ENOSF1: variants seen among roughly 807,000 people sequenced by gnomAD.
ENOSF1 encodes the protein enolase superfamily member 1.
A neutral mutation model predicts 68.2 loss-of-function variants in ENOSF1; 73 were observed. That is an observed-to-expected ratio of 1.07 (90% CI 0.89 to 1.30). The LOEUF is 1.30. Among genes scored for constraint, ENOSF1 ranks in the 50% most tolerant of loss-of-function variants. ENOSF1 has a pLI of 0.00. For synonymous variants in ENOSF1, 223 were observed against 210.4 expected, an observed-to-expected ratio of 1.06 and a Z score of -0.52; for missense variants, 589 against 554.5, an observed-to-expected ratio of 1.06 and a Z score of -0.62.
At chr18:695,227 T>G (rs2077596982) in intron 3 of ENOSF1, among the ~76,000 whole-genome samples, 1 of 152,252 alleles carries the variant, frequency 6.6e-6, no homozygotes, top group Non-Finnish European at 1.5e-5. Context: ...GCCACTTGAT[T>G]TGTACAGCAT....
At chr18:704,612 CTTTTTTT>C (rs373644673) in intron 2 of ENOSF1, among the ~76,000 whole-genome samples, 1 of 138,420 alleles carries the variant, frequency 7.2e-6, no homozygotes, top group Non-Finnish European at 1.5e-5. Flanking sequence ...TATCTTTTTT[CTTTTTTT>C]TTTTGGGATG....
At chr18:679,686 T>C (rs1205581842) in intron 11 of ENOSF1, among the ~76,000 whole-genome samples, 3 of 152,092 alleles carry the variant, frequency 2.0e-5, no homozygotes, top group African/African-American at 7.2e-5. Flanking sequence ...ACTCTGCACC[T>C]GAACACAGCC....
At chr18:689,326 G>A (rs1257040187) in intron 8 of ENOSF1, among the ~76,000 whole-genome samples, 3 of 152,156 alleles carry the variant, frequency 2.0e-5, no homozygotes, top group Non-Finnish European at 4.4e-5. Context: ...TGTCACCCAG[G>A]TTGGAGGGCA....
rs1158918920 is a variant in ENOSF1, at chr18:674,403, G to C, written c.1234C>G (p.Pro412Ala). 6.2e-7 allele frequency: 1 copy of C among 1,607,032 alleles called. No homozygotes were observed. Among genetic ancestry groups the C allele is most frequent in the African/African-American group, 1.3e-5 (1 of 74,376 alleles). The part of the protein sequence containing the change: ...QRASYMPPKD[P>A]GYSTEMKEES... ...TCCTTCATTTCTGTTGAGTAGCCGG[G>C]ATCCTATCAAAGACCAAAAAAATGA... The change falls in exon 16 of 16, where the codon CCC becomes GCC. Residue 412 changes from proline (P) to alanine (A), a missense_variant. Transcript: ENST00000647584.
Position 672,842 on chromosome 18 carries a change from G to T in ENOSF1, c.*1463C>A. ...GTCGTACAATTATGGCAAAATAATG[G>T]CCTTATTTTGTTTTTAGCTTCAGCG... On this transcript the variant is annotated 3_prime_UTR_variant, in exon 16 of 16. Transcript: ENST00000647584. The T allele has an allele frequency of 6.5e-7, 1 of 1,547,428 alleles. No homozygotes were observed. Among genetic ancestry groups the T allele is most frequent in the Non-Finnish European group, 8.8e-7 (1 of 1,132,518 alleles).
At chr18:697,047 G>T (rs2077803401) in intron 3 of ENOSF1, among the ~76,000 whole-genome samples, 193 bp downstream of exon 3, 1 of 152,128 alleles carries the variant, frequency 6.6e-6, no homozygotes, top group Non-Finnish European at 1.5e-5. Flanking sequence ...AACCCAGGAG[G>T]CGGAGGTTGC....
chr18:689,344 G>C (rs1161596018), intron 8 of ENOSF1, among the ~76,000 whole-genome samples: 1 of 152,144 alleles, frequency 6.6e-6, no homozygotes, highest in East Asian at 1.9e-4. Context: ...GCAGTGGCGT[G>C]ATCTCGGCTC....
In ENOSF1 at chr18:694,270, A is replaced by G. The variant is rs370291890; in HGVS notation, c.374T>C (p.Leu125Ser). The G allele has an allele frequency of 6.2e-7, 1 of 1,613,998 alleles. No homozygotes were observed. The highest frequency in any genetic ancestry group is 1.3e-5 in the African/African-American group (1 of 74,886). ...TACCTTTCCCTCCTGCTTGGCCCAC[A>G]AGTCCCACACCGCGTTTAGGACGGC... Reference protein sequence around the residue: ...TAAVLNAVWDLWAKQEGKPVW... With the variant: ...TAAVLNAVWDSWAKQEGKPVW... Residue 125 changes from leucine to serine, a missense_variant, in exon 4 of 16, where the codon TTG (leucine) becomes TCG (serine). By Grantham distance (145) the Leu-to-Ser change is moderately radical. Coordinates refer to ENST00000647584, the MANE Select transcript of ENOSF1 (RefSeq NM_017512.7).
At chr18:669,943 CAG>C (rs963280240), downstream of ENOSF1, among the ~76,000 whole-genome samples, 14 of 151,878 alleles carry the variant, frequency 9.2e-5, no homozygotes, top group African/African-American at 3.1e-4. Flanking sequence ...GCCTGGGCAA[CAG>C]AGTGAGACCC....
In ENOSF1 at chr18:692,999, G is replaced by A. The variant is rs766441569; in HGVS notation, c.423+883C>T. 1.5e-4 allele frequency: 174 copies of A among 1,172,788 alleles called. 1 individual carries two copies. The highest frequency in any genetic ancestry group is 1.8e-4 in the Non-Finnish European group (167 of 930,192). 72.6% of individuals were successfully genotyped at this position (1,172,788 alleles called of 1,614,324 possible). ...TTTGTGGATCACGAGGTTTTTAACC[G>A]CCACCCAGGTGTTGCACTGAGGCCA... On this transcript the variant is annotated intron_variant, in intron 5 of 15. Coordinates refer to ENST00000647584, the MANE Select transcript of ENOSF1 (RefSeq NM_017512.7).
At chr18:688,208 A>T (rs1301983343) in intron 9 of ENOSF1, 2 of 209,324 alleles carry the variant, frequency 9.6e-6, no homozygotes, top group Admixed American at 1.1e-4. Flanking sequence ...TAATACTCAA[A>T]GCCCTCAAAG....
In ENOSF1 at chr18:686,010, T is replaced by C. The variant is rs1200221196; in HGVS notation, c.654-2A>G. 7 of 1,612,636 alleles carry C rather than the reference T, an allele frequency of 4.3e-6. No individual in the cohort carries two copies. The highest frequency in any genetic ancestry group is 5.9e-6 in the Non-Finnish European group (7 of 1,178,754). The stretch of plus-strand genomic sequence containing the variant: ...TCAGCACCCACCTTTACTTTAAACC[T>C]AGAAAATGCATTTGGTTTGCTAGTT... On this transcript the variant is annotated splice_acceptor_variant, in intron 9 of 15. Coordinates refer to ENST00000647584, the MANE Select transcript of ENOSF1 (RefSeq NM_017512.7). LOFTEE classifies it high-confidence loss of function.
chr18:698,355 AT>A (rs2077967417), intron 2 of ENOSF1, among the ~76,000 whole-genome samples: 1 of 152,224 alleles, frequency 6.6e-6, no homozygotes, highest in African/African-American at 2.4e-5. Context: ...ACTTCATAGA[AT>A]TTTTAAAAGG....
At chr18:665,874 G>T (rs2074807255), downstream of ENOSF1, among the ~76,000 whole-genome samples, 1 of 98,212 alleles carries the variant, frequency 1.0e-5, no homozygotes, top group Non-Finnish European at 1.9e-5. Context: ...ACTGTGGTCT[G>T]AGAGATAGTT....
chr18:684,186 G>GA (rs1411509283), intron 10 of ENOSF1, among the ~76,000 whole-genome samples: 63 of 151,594 alleles, frequency 4.2e-4, no homozygotes, highest in Middle Eastern at 3.2e-3. Context: ...TAGTAGAGAC[G>GA]GGGTTTCACC....
In ENOSF1 at chr18:712,576, G is replaced by A; in HGVS notation, c.12C>T (p.Gly4=). The stretch of plus-strand genomic sequence containing the variant: ...CCCGGACCGAGAGCCGGGAGATCCT[G>A]CCGCGCACCATGGCCCCTGCGCCCC... MVR[G]RISRLSVRDV... is the part of the protein sequence containing the mutation. The change falls in exon 1 of 16, where the codon GGC becomes GGT. Residue 4 remains glycine (G), a synonymous_variant. Transcript: ENST00000647584. The A allele has an allele frequency of 6.5e-7, 1 of 1,535,294 alleles. No homozygotes were observed. Among genetic ancestry groups the A allele is most frequent in the South Asian group, 1.2e-5 (1 of 83,916 alleles).
In ENOSF1 at chr18:677,820, A is replaced by C. The variant is rs2075667648; in HGVS notation, c.971T>G (p.Phe324Cys). The C allele has an allele frequency of 6.2e-7, 1 of 1,614,186 alleles. No individual in the cohort carries two copies. The highest frequency in any genetic ancestry group is 8.5e-7 in the Non-Finnish European group (1 of 1,180,026). ...CAGTCTGCAACTGTCAATCTGGAGGAACTGCAGGGCCTTCGCCTGTAGGAG... is the reference window on the plus strand; with the variant it reads ...CAGTCTGCAACTGTCAATCTGGAGGCACTGCAGGGCCTTCGCCTGTAGGAG... ...KQLLQAKALQFLQIDSCRLGS... is the reference protein window; with the variant it reads ...KQLLQAKALQCLQIDSCRLGS... The change falls in exon 13 of 16, where the codon TTC becomes TGC. Residue 324 changes from phenylalanine to cysteine, a missense_variant. Phe to Cys is a radical substitution (Grantham distance 205). Coordinates refer to ENST00000647584, the MANE Select transcript of ENOSF1 (RefSeq NM_017512.7).
At chr18:711,754 A>G (rs536669513) in intron 1 of ENOSF1, among the ~76,000 whole-genome samples, 2 of 152,296 alleles carry the variant, frequency 1.3e-5, no homozygotes, top group Admixed American at 1.3e-4. Flanking sequence ...ATCTCTTAAG[A>G]CGAACTGACA....
At chr18:677,907 A>G (rs1288053038) in intron 12 of ENOSF1, 35 bp from the exon 13 acceptor site, 32 of 1,601,536 alleles carry the variant, frequency 2.0e-5, no homozygotes, top group Non-Finnish European at 2.7e-5. Context: ...CCAACAGAAG[A>G]GTCAGCCTTG....
Sources: allele counts gnomAD v4.1 joint callset (sites outside exome capture counted in the v4.1 genomes callset), GRCh38; gene constraint gnomAD v4.1.1; transcripts MANE v1.5; gene names NCBI Gene and HGNC (gene_info 2026-07-23, HGNC 2026-07-21).